Variants in EMC7 observed in about 807,000 individuals in gnomAD.
The protein encoded by EMC7 is ER membrane protein complex subunit 7, also known as endoplasmic reticulum membrane protein complex subunit 7.
Under a neutral mutation model 24.4 loss-of-function variants are expected in EMC7, and 4 were observed. The ratio of observed to expected loss-of-function variants is 0.16; its 90% CI spans 0.08 to 0.38. The LOEUF is 0.38. EMC7 is among the 10% of genes least tolerant of loss of function. The pLI is 1.00. For synonymous variants in EMC7, 106 were observed against 112.0 expected (o/e 0.95, Z 0.34); for missense variants, 221 against 300.6 (o/e 0.74, Z 1.96).
Position 34,095,950 on chromosome 15 carries a change from G to A in EMC7, c.301C>T (p.Pro101Ser). The change falls in exon 2 of 5, where the codon CCA (proline) becomes TCA (serine). Residue 101 changes from proline (P) to serine (S), a missense_variant. Physicochemically the swap from Pro to Ser is moderately conservative, Grantham distance 74. This residue lies in a region of EMC7 where 156 missense variants were observed against 177.1 expected (regional missense o/e 0.88). Coordinates refer to ENST00000256545, the MANE Select transcript of EMC7 (RefSeq NM_020154.3). ...SGSYVVEVVS[P>S]AYRFDPVRVD... is the part of the protein sequence containing the mutation. ...CGAACGGGATCAAATCTGTAAGCTG[G>A]AGATACAACTTCCACTACATAAGAT... 1.2e-6 allele frequency: 2 copies of A among 1,610,530 alleles called. No individual in the cohort carries two copies. The highest frequency in any genetic ancestry group is 1.7e-6 in the Non-Finnish European group (2 of 1,177,360).
At position 34,101,605 on chromosome 15, in the gene EMC7, T is replaced by G; in HGVS notation, c.235A>C (p.Lys79Gln). The G allele has an allele frequency of 1.9e-6, 3 of 1,613,696 alleles. No homozygotes were observed. Among genetic ancestry groups the G allele is most frequent in the East Asian group, 2.2e-5 (1 of 44,856 alleles). Residue 79 changes from lysine to glutamine, a missense_variant and splice_region_variant, in exon 1 of 5, where the codon AAG becomes CAG. Lys to Gln is a moderately conservative substitution (Grantham distance 53, BLOSUM62 1). Coordinates refer to ENST00000256545, the MANE Select transcript of EMC7 (RefSeq NM_020154.3). ...TCCCGCTGCCCTCAGGATGCTCACT[T>G]AAGGAAACCGACGTGCTCTTCTCCG... ...VDGEEHVGFL[K>Q]TDGSFVVHDI... is the part of the protein sequence containing the mutation.
chr15:34,088,034 A>G lies in EMC7; in HGVS notation c.576+19T>C, dbSNP rs898483630. ...ATCTCTTAAAAAAAAAAAAATCCAT[A>G]GCTGGACCATCATCTTACCCGTCTC... On this transcript the variant is annotated intron_variant, in intron 4 of 4. Coordinates refer to ENST00000256545, the MANE Select transcript of EMC7 (RefSeq NM_020154.3). 3.8e-6 allele frequency: 6 copies of G among 1,592,914 alleles called. No homozygotes were observed. Among genetic ancestry groups the G allele is most frequent in the Middle Eastern group, 1.7e-4 (1 of 5,950 alleles).
chr15:34,085,748 T>G (rs2140865912), intron 4 of EMC7, among the ~76,000 whole-genome samples: 1 of 151,456 alleles, frequency 6.6e-6, no homozygotes, highest in Non-Finnish European at 1.5e-5. Flanking sequence ...CCCCAATAAT[T>G]AAGAAATAAA....
chr15:34,092,579 C>A (rs1385834802), intron 2 of EMC7, among the ~76,000 whole-genome samples: 17 of 152,192 alleles, frequency 1.1e-4, no homozygotes, highest in African/African-American at 3.6e-4. Flanking sequence ...AACTCCTGAC[C>A]TCGTGATTCA....
intron 4 of EMC7, chr15:34,086,068 T>C (rs1900881731): frequency 6.1e-6 from 2 of 327,796 alleles, no homozygotes; most frequent in East Asian, 1.8e-4. Context: ...TCCAGCTCCT[T>C]GATGTTGTAG....
At chr15:34,090,482 C>A (rs751716052) in intron 2 of EMC7, 27 bp from the exon 3 acceptor site, 1 of 1,592,858 alleles carries the variant, frequency 6.3e-7, no homozygotes, top group African/African-American at 1.4e-5. Flanking sequence ...GGGAAAGCAA[C>A]AGTAATTCCA....
intron 3 of EMC7, among the ~76,000 whole-genome samples, chr15:34,088,966 C>A (rs893675228): frequency 6.6e-6 from 1 of 152,134 alleles, no homozygotes; most frequent in Non-Finnish European, 1.5e-5. Flanking sequence ...AAGCAGTTCT[C>A]CTGCCTCAGC....
chr15:34,096,405 G>A (rs1274300364), intron 1 of EMC7, among the ~76,000 whole-genome samples: 6 of 151,874 alleles, frequency 4.0e-5, no homozygotes, highest in Non-Finnish European at 1.5e-5. Flanking sequence ...TCCTGACCTC[G>A]GGTAATCCAC....
intron 4 of EMC7, 86 bp from the exon 5 acceptor site, chr15:34,084,572 G>A: frequency 6.9e-7 from 1 of 1,456,228 alleles, no homozygotes; most frequent in East Asian, 2.3e-5. Flanking sequence ...AAGTAAAGGA[G>A]TAGAACAAGT....
In EMC7 at chr15:34,084,584, A is replaced by G. The variant is rs1021483994; in HGVS notation, c.577-98T>C. On this transcript the variant is annotated intron_variant, in intron 4 of 4. Transcript: ENST00000256545. ...AAAAAGTAAAGGAGTAGAACAAGTG[A>G]AAGGTACTGGTTCTGAGCAATGATG... is the stretch of plus-strand genomic sequence containing the variant. 3.7e-5 allele frequency: 51 copies of G among 1,360,114 alleles called. No homozygotes were observed. In the African/African-American group the frequency reaches 4.8e-4, roughly 13 times the overall value. The allele number at this position is 1,360,114 out of a possible 1,614,324, so 84.3% of individuals were successfully genotyped here.
intron 1 of EMC7, among the ~76,000 whole-genome samples, chr15:34,097,587 A>G (rs1424815834): frequency 2.0e-5 from 3 of 150,702 alleles, no homozygotes; most frequent in Admixed American, 6.6e-5. Context: ...CTGAGGGGGG[A>G]AAAAAAGTTT....
chr15:34,101,229 C>CA (rs1157561616), intron 1 of EMC7, among the ~76,000 whole-genome samples: 1 of 148,918 alleles, frequency 6.7e-6, no homozygotes, highest in Non-Finnish European at 1.5e-5. Context: ...GAAGTGAATG[C>CA]AAAAAACGAC....
chr15:34,096,972 C>T (rs1277928673), intron 1 of EMC7, among the ~76,000 whole-genome samples: 1 of 131,084 alleles, frequency 7.6e-6, no homozygotes, highest in South Asian at 2.3e-4. Context: ...ACTCCATCTC[C>T]AACAAAAAAA....
chr15:34,100,245 A>G (rs542061138), intron 1 of EMC7, among the ~76,000 whole-genome samples: 44 of 152,312 alleles, frequency 2.9e-4, no homozygotes, highest in East Asian at 5.8e-4. Context: ...GGAGGCTGAG[A>G]CAGGAGGATC....
intron 2 of EMC7, among the ~76,000 whole-genome samples, 196 bp from the exon 3 acceptor site, chr15:34,090,651 C>T (rs1900962401): frequency 6.6e-6 from 1 of 152,122 alleles, no homozygotes; most frequent in Non-Finnish European, 1.5e-5. Flanking sequence ...CAGCAAAACA[C>T]AGAGAAAAAA....
At chr15:34,093,904 C>A (rs1341315795) in intron 2 of EMC7, among the ~76,000 whole-genome samples, 1 of 142,906 alleles carries the variant, frequency 7.0e-6, no homozygotes, top group Non-Finnish European at 1.5e-5. Flanking sequence ...TGCCTATAAT[C>A]CCAGCTACTT....
chr15:34,084,119 G>A lies in EMC7; in HGVS notation c.*215C>T. The A allele has an allele frequency of 2.2e-6, 1 of 458,488 alleles. No homozygotes were observed. The highest frequency in any genetic ancestry group is 3.3e-5 in the East Asian group (1 of 30,206). 28.4% of individuals were successfully genotyped at this position (458,488 alleles called of 1,614,324 possible). A position where few individuals can be genotyped will look rare whatever the true frequency, so the allele number is the denominator to read the frequency against. On this transcript the variant is annotated 3_prime_UTR_variant, in exon 5 of 5. Transcript: ENST00000256545. ...TATAGGACACTGTAATTAATTCAGTGACATCAATATTGACCTCATACAGAC... is the reference window on the plus strand; with the variant it reads ...TATAGGACACTGTAATTAATTCAGTAACATCAATATTGACCTCATACAGAC...
chr15:34,085,005 C>T (rs556447267), intron 4 of EMC7, among the ~76,000 whole-genome samples: 3 of 151,552 alleles, frequency 2.0e-5, no homozygotes, highest in East Asian at 3.9e-4. Context: ...GATCATATTC[C>T]TCTCTTATTT....
chr15:34,090,446 A>G lies in EMC7; in HGVS notation c.366T>C (p.Tyr122=), dbSNP rs2140868559. The part of the protein sequence containing the change: ...ITSKGKMRAR[Y]VNYIKTSEVV... ...CCTCTGATGTTTTGATGTAATTCAC[A>G]TATCTTGCTCTGATAAAGCAACATG... is the stretch of plus-strand genomic sequence containing the variant. The change falls in exon 3 of 5, where the codon TAT becomes TAC. Residue 122 remains tyrosine (Y), a synonymous_variant. Transcript: ENST00000256545. The G allele has an allele frequency of 6.2e-7, 1 of 1,612,894 alleles. No homozygotes were observed. The highest frequency in any genetic ancestry group is 8.5e-7 in the Non-Finnish European group (1 of 1,179,636).
Sources: allele counts gnomAD v4.1 joint callset (sites outside exome capture counted in the v4.1 genomes callset), GRCh38; gene constraint gnomAD v4.1.1; regional missense constraint gnomAD v4.1.1; transcripts MANE v1.5; gene names NCBI Gene and HGNC (gene_info 2026-07-23, HGNC 2026-07-21).